The following TMC1 variants were observed in gnomAD, a reference collection of about 807,000 sequenced individuals.
TMC1 encodes the protein transmembrane channel like 1.
In TMC1, 84 loss-of-function variants were observed where a neutral mutation model predicts 105.8. The observed-to-expected ratio is 0.79, with a 90% confidence interval of 0.67 to 0.95. The LOEUF is 0.95. Among genes scored for constraint, TMC1 ranks in the 40% least tolerant of loss-of-function variants. The probability of loss-of-function intolerance (pLI) is 0.00; values close to 1 mark genes in which losing one functional copy is unlikely to be tolerated. For missense variants in TMC1, 817 were observed against 914.1 expected (o/e 0.89, Z 1.37); for synonymous variants, 315 against 311.5 (o/e 1.01, Z -0.12).
intron 8 of TMC1, 80 bp downstream of exon 8, chr9:72,700,723 T>C: frequency 4.2e-6 from 1 of 236,860 alleles, no homozygotes; most frequent in African/African-American, 4.4e-5. Flanking sequence ...CATATATATA[T>C]ATATATATAT....
chr9:72,770,616 T>C (rs1447451768), intron 12 of TMC1, among the ~76,000 whole-genome samples: 2 of 151,752 alleles, frequency 1.3e-5, no homozygotes, highest in African/African-American at 4.8e-5. Flanking sequence ...ATATAAATAA[T>C]AGATTTACTA....
At chr9:72,642,302 G>T (rs929431034) in intron 4 of TMC1, among the ~76,000 whole-genome samples, 2 of 152,068 alleles carry the variant, frequency 1.3e-5, no homozygotes, top group East Asian at 1.9e-4. Flanking sequence ...GGGCCCCAGT[G>T]GTCCCTATGC....
At chr9:72,646,767 T>A (rs980365219) in intron 4 of TMC1, among the ~76,000 whole-genome samples, 5 of 152,072 alleles carry the variant, frequency 3.3e-5, no homozygotes, top group African/African-American at 1.2e-4. Flanking sequence ...TTCAAATCTT[T>A]TACCATTTTT....
At position 72,789,138 on chromosome 9, in the gene TMC1, G is replaced by T; in HGVS notation, c.1045G>T (p.Glu349Ter). 6.2e-7 allele frequency: 1 copy of T among 1,612,632 alleles called. No homozygotes were observed. Among genetic ancestry groups the T allele is most frequent in the Non-Finnish European group, 8.5e-7 (1 of 1,179,870 alleles). The change falls in exon 15 of 24, where the codon GAA (glutamate) becomes TAA (stop). Residue 349 changes from glutamate (E) to a stop codon, truncating the protein, a stop_gained. Transcript: ENST00000297784. LOFTEE classifies it high-confidence loss of function. ...ATGGATACAGGAAGCTATCACAGAA[G>T]AAAAAGCAGCCCAAGTAGAAGAAAA... ...TMNFKEAITE[E>*]KAAQVEENVH...
chr9:72,650,914 A>G (rs1044885115), intron 5 of TMC1, among the ~76,000 whole-genome samples: 13 of 139,676 alleles, frequency 9.3e-5, no homozygotes, highest in South Asian at 4.4e-4. Context: ...ATATATATAG[A>G]TATATATATA....
chr9:72,764,684 T>A (rs1248761275), intron 12 of TMC1, among the ~76,000 whole-genome samples: 1 of 152,168 alleles, frequency 6.6e-6, no homozygotes, highest in Admixed American at 6.5e-5. Context: ...AAAAAGTTGG[T>A]GTACATGACA....
At chr9:72,689,182 G>C (rs1826422161) in intron 6 of TMC1, among the ~76,000 whole-genome samples, 1 of 152,002 alleles carries the variant, frequency 6.6e-6, no homozygotes, top group African/African-American at 2.4e-5. Context: ...ACATAGAGTG[G>C]GGAAACACAA....
intron 5 of TMC1, among the ~76,000 whole-genome samples, chr9:72,663,327 G>A (rs1157791030): frequency 6.6e-6 from 1 of 152,174 alleles, no homozygotes; most frequent in Non-Finnish European, 1.5e-5. Context: ...AACCTGAAAA[G>A]ACATCTCAAA....
intron 8 of TMC1, among the ~76,000 whole-genome samples, chr9:72,721,244 C>T (rs1827019405): frequency 6.6e-6 from 1 of 152,144 alleles, no homozygotes; most frequent in Non-Finnish European, 1.5e-5. Flanking sequence ...CTCCCCTTTC[C>T]TGCCTAAAGA....
chr9:72,694,857 A>T (rs1826522666), intron 7 of TMC1, 143 bp downstream of exon 7: 1 of 728,534 alleles, frequency 1.4e-6, no homozygotes, highest in Non-Finnish European at 2.2e-6. Flanking sequence ...TATTCTACTT[A>T]ATTAAATGTA....
intron 4 of TMC1, among the ~76,000 whole-genome samples, chr9:72,645,339 A>G (rs1825692877): frequency 1.3e-5 from 2 of 152,304 alleles, no homozygotes; most frequent in Middle Eastern, 3.4e-3. Flanking sequence ...AATTTTAAAC[A>G]AGTGGGATCA....
chr9:72,753,901 A>G (rs1021664997), intron 11 of TMC1, among the ~76,000 whole-genome samples: 2 of 152,058 alleles, frequency 1.3e-5, no homozygotes, highest in Non-Finnish European at 2.9e-5. Context: ...CCCACCTTCT[A>G]TTCTGTTCGG....
At chr9:72,775,083 T>C (rs146480362) in intron 13 of TMC1, among the ~76,000 whole-genome samples, 2 of 152,256 alleles carry the variant, frequency 1.3e-5, no homozygotes, top group East Asian at 1.9e-4. Flanking sequence ...AGAAAATAGT[T>C]TGAAATTTTA....
intron 2 of TMC1, among the ~76,000 whole-genome samples, chr9:72,594,047 G>T (rs1467290834): frequency 6.6e-6 from 1 of 152,192 alleles, no homozygotes; most frequent in Non-Finnish European, 1.5e-5. Context: ...AATTTCTATT[G>T]TTGGGGAGAA....
chr9:72,706,877 C>T (rs537550957), intron 8 of TMC1, among the ~76,000 whole-genome samples: 2 of 151,530 alleles, frequency 1.3e-5, no homozygotes, highest in South Asian at 2.1e-4. Context: ...CAGGTTCAAG[C>T]GATTTTCCTG....
chr9:72,666,979 C>G (rs533861048), intron 5 of TMC1, among the ~76,000 whole-genome samples: 2 of 151,946 alleles, frequency 1.3e-5, no homozygotes, highest in Non-Finnish European at 2.9e-5. Context: ...ACTCAGGAGG[C>G]TGAGGTGGGA....
intron 13 of TMC1, among the ~76,000 whole-genome samples, chr9:72,779,916 C>T (rs1828065267): frequency 6.6e-6 from 1 of 152,028 alleles, no homozygotes; most frequent in Non-Finnish European, 1.5e-5. Context: ...TCAGAGAACC[C>T]CTGCAAGATC....
intron 8 of TMC1, among the ~76,000 whole-genome samples, chr9:72,716,907 T>C (rs533398495): frequency 1.3e-5 from 2 of 152,300 alleles, no homozygotes; most frequent in South Asian, 4.1e-4. Flanking sequence ...GCGTGGGAAC[T>C]GGAGGGAATC....
intron 8 of TMC1, among the ~76,000 whole-genome samples, chr9:72,738,427 T>G (rs9775956): frequency 6.6e-6 from 1 of 152,102 alleles, no homozygotes; most frequent in East Asian, 1.9e-4. Context: ...TCTTTTTTTT[T>G]TCTTTTTGAA....
Sources: allele counts gnomAD v4.1 joint callset (sites outside exome capture counted in the v4.1 genomes callset), GRCh38; gene constraint gnomAD v4.1.1; transcripts MANE v1.5; gene names NCBI Gene and HGNC (gene_info 2026-07-23, HGNC 2026-07-21).